CEP72: variants seen among roughly 807,000 people sequenced by gnomAD.
The protein encoded by CEP72 is centrosomal protein of 72 kDa.
CEP72 carries 78 observed loss-of-function variants against 65.7 expected under a neutral mutation model. The ratio of observed to expected loss-of-function variants is 1.19; its 90% CI spans 0.99 to 1.43. The LOEUF (loss-of-function observed/expected upper bound fraction) is 1.43. CEP72 is among the 40% of genes most tolerant of loss of function. The probability of loss-of-function intolerance (pLI) is 0.00; values close to 1 mark genes in which losing one functional copy is unlikely to be tolerated. For synonymous variants in CEP72, 358 were observed against 351.7 expected, an observed-to-expected ratio of 1.02 and a Z score of -0.20; for missense variants, 914 against 832.9, an observed-to-expected ratio of 1.10 and a Z score of -1.20.
At chr5:669,790 C>T (rs866616417), downstream of CEP72, among the ~76,000 whole-genome samples, 13 of 152,192 alleles carry the variant, frequency 8.5e-5, no homozygotes, top group Middle Eastern at 6.8e-3. Flanking sequence ...GAGCTCTCCC[C>T]AGGAGACCCG....
rs1393692001 is a variant in CEP72 at position 648,737 on chromosome 5, T to TGACTGTGAGGTGTG, written c.1778+850_1778+863dup. Among the ~76,000 whole-genome samples the TGACTGTGAGGTGTG allele has an allele frequency of 2.7e-4, 13 of 48,674 alleles. 2 individuals are homozygous for TGACTGTGAGGTGTG. The East Asian group carries it at 7.5e-3, about 28-fold the overall frequency. 31.9% of individuals were successfully genotyped at this position (48,674 alleles called of 152,430 possible). On this transcript the variant is annotated intron_variant, in intron 11 of 11. Coordinates refer to ENST00000264935, the MANE Select transcript of CEP72 (RefSeq NM_018140.4). ...GACTGTGAGGCGTGACTGTGAGGCA[T>TGACTGTGAGGTGTG]GACTGTGAGGTGTGGACTGTGAGGT... is the stretch of plus-strand genomic sequence containing the variant.
At chr5:644,057 G>T in intron 9 of CEP72, 2 of 478,552 alleles carry the variant, frequency 4.2e-6, no homozygotes, top group South Asian at 2.2e-5. Context: ...GCTCTCACAG[G>T]ACTGGGGCGC....
chr5:656,239 C>G (rs1311003344), downstream of CEP72, among the ~76,000 whole-genome samples: 3 of 152,194 alleles, frequency 2.0e-5, no homozygotes, highest in Non-Finnish European at 4.4e-5. Flanking sequence ...ACCACACACT[C>G]TGGGGCGCGT....
In CEP72 at chr5:624,514, G is replaced by A. The variant is rs1419583044; in HGVS notation, c.447G>A (p.Leu149=). 1 of 1,614,196 alleles carries A rather than the reference G, an allele frequency of 6.2e-7. No homozygotes were observed. The highest frequency in any genetic ancestry group is 1.1e-5 in the South Asian group (1 of 91,084). Residue 149 remains leucine, a synonymous_variant, in exon 4 of 12, where the codon CTG becomes CTA. Transcript: ENST00000264935. This position sits in a 1 kb window ranked among gnomAD's most constrained non-coding sequence, Gnocchi z 4.7. ...CAAGCGAGCGGAAGGCTTCCCGACT[G>A]CATTTTGCATCAGAGGACTCACTCG... ...VRASERKASR[L]HFASEDSLDS...
At chr5:651,498 G>T (rs112146393) in intron 11 of CEP72, among the ~76,000 whole-genome samples, 1 of 151,952 alleles carries the variant, frequency 6.6e-6, no homozygotes, top group Non-Finnish European at 1.5e-5. Context: ...TCCCCTGGGC[G>T]GTAGTCCGGC....
At chr5:652,285 C>G (rs1739161381) in intron 11 of CEP72, among the ~76,000 whole-genome samples, 1 of 152,206 alleles carries the variant, frequency 6.6e-6, no homozygotes, top group South Asian at 2.1e-4. Flanking sequence ...TTCATCCAGT[C>G]CTGGCCTGCG....
intron 4 of CEP72, among the ~76,000 whole-genome samples, chr5:627,992 G>A (rs533618117): frequency 4.6e-5 from 7 of 152,318 alleles, no homozygotes; most frequent in South Asian, 4.1e-4. Context: ...GGCACGGAGC[G>A]TCACTCGGTG....
chr5:625,571 C>T (rs1234822184), intron 4 of CEP72, among the ~76,000 whole-genome samples: 2 of 152,232 alleles, frequency 1.3e-5, no homozygotes, highest in African/African-American at 4.8e-5. Context: ...TTTTTGCTGA[C>T]TTCTCTTCCA....
chr5:643,579 C>T (rs937710654), intron 9 of CEP72: 12 of 985,272 alleles, frequency 1.2e-5, no homozygotes, highest in Non-Finnish European at 1.4e-5. Flanking sequence ...CAGACTCAGG[C>T]GCTCCCTCCC....
At chr5:648,402 T>G (rs943114036) in intron 11 of CEP72, among the ~76,000 whole-genome samples, 3 of 140,346 alleles carry the variant, frequency 2.1e-5, no homozygotes, top group African/African-American at 8.7e-5. Context: ...GATGGGACTG[T>G]GAGGTATGTG....
chr5:648,829 T>C (rs866357293), intron 11 of CEP72, among the ~76,000 whole-genome samples: 18 of 89,932 alleles, frequency 2.0e-4, no homozygotes, highest in African/African-American at 3.9e-4. Flanking sequence ...GACTGTGAGG[T>C]GTGACTGTGA....
intron 4 of CEP72, chr5:666,129 G>GGGGAACAGGCGACTTA: frequency 1.9e-6 from 3 of 1,606,620 alleles, no homozygotes; most frequent in Non-Finnish European, 2.5e-6. Context: ...TCCCTCTACA[G>GGGGAACAGGCGACTTA]GGGCACAGGC....
chr5:675,482 A>AGGGGTGCAGTGTGGCCCG, the CEP72 span, among the ~76,000 whole-genome samples: 2 of 91,088 alleles, frequency 2.2e-5, no homozygotes, highest in African/African-American at 1.0e-4. Flanking sequence ...CAGTGTGGCC[A>AGGGGTGCAGTGTGGCCCG]GGGGTACATT....
At chr5:643,400 C>G (rs1384381228) in intron 9 of CEP72, 1 of 985,288 alleles carries the variant, frequency 1.0e-6, no homozygotes, top group South Asian at 4.7e-5. Flanking sequence ...AAATGAAGAA[C>G]GGGCCAAGAT....
intron 11 of CEP72, among the ~76,000 whole-genome samples, chr5:650,571 CTGTGAGGTGTGACTGTGGG>C (rs1738958443): frequency 1.1e-4 from 1 of 9,366 alleles, no homozygotes; most frequent in Non-Finnish European, 1.6e-4. Context: ...TGAGGTGTGA[CTGTGAGGTGTGACTGTGGG>C]TGTGAGGTGT....
At chr5:669,989 G>A (rs146055587), downstream of CEP72, among the ~76,000 whole-genome samples, 1,543 of 152,250 alleles carry the variant, frequency 0.01, 12 homozygotes, top group South Asian at 0.021. Flanking sequence ...TCCCCAGCCC[G>A]GCGCCCTGCC....
At position 637,719 on chromosome 5, in the gene CEP72, A is replaced by C. The variant is rs1321419988; in HGVS notation, c.1107A>C (p.Arg369Ser). ...GSSVPKESLSRQDSSESRNGR... is the reference protein window; with the variant it reads ...GSSVPKESLSSQDSSESRNGR... ...CCGTGCCCAAGGAGAGCCTGAGCAGACAGGACAGCTCAGAAAGCAGGAACG... is the reference window on the plus strand; with the variant it reads ...CCGTGCCCAAGGAGAGCCTGAGCAGCCAGGACAGCTCAGAAAGCAGGAACG... Residue 369 changes from arginine to serine, a missense_variant, in exon 7 of 12, where the codon AGA becomes AGC. By Grantham distance (110) the Arg-to-Ser change is moderately radical. Transcript: ENST00000264935. The C allele has an allele frequency of 6.2e-7, 1 of 1,613,522 alleles. No homozygotes were observed. The highest frequency in any genetic ancestry group is 8.5e-7 in the Non-Finnish European group (1 of 1,180,016).
At chr5:641,428 C>T (rs538267375) in intron 9 of CEP72, 940 of 985,452 alleles carry the variant, frequency 9.5e-4, no homozygotes, top group Non-Finnish European at 1.1e-3. Context: ...GGGACGGCTT[C>T]GAAAACTGCC....
At chr5:618,196 T>TTTTGGA (rs1736119381) in intron 1 of CEP72, among the ~76,000 whole-genome samples, 1 of 151,566 alleles carries the variant, frequency 6.6e-6, no homozygotes, top group Non-Finnish European at 1.5e-5. Context: ...GCAGTAAAGG[T>TTTTGGA]GGGAAGAAGC....
Sources: allele counts gnomAD v4.1 joint callset (sites outside exome capture counted in the v4.1 genomes callset), GRCh38; gene constraint gnomAD v4.1.1; non-coding constraint Gnocchi (gnomAD v3.1); transcripts MANE v1.5; gene names NCBI Gene and HGNC (gene_info 2026-07-23, HGNC 2026-07-21).